The following L3MBTL4 variants were observed in gnomAD, a reference collection of about 807,000 sequenced individuals.
The protein encoded by L3MBTL4 is L3MBTL histone methyl-lysine binding protein 4, also known as lethal(3)malignant brain tumor-like protein 4.
A neutral mutation model predicts 84.5 loss-of-function variants in L3MBTL4; 70 were observed. The observed-to-expected ratio is 0.83, with a 90% CI of 0.68 to 1.01. The LOEUF is 1.01. L3MBTL4 is among the 50% of genes least tolerant of loss of function. The pLI, the probability that L3MBTL4 is intolerant of heterozygous loss-of-function variation, is 0.00. For missense variants in L3MBTL4, 715 were observed against 754.8 expected, an observed-to-expected ratio of 0.95 and a Z score of 0.62; for synonymous variants, 274 against 259.8, an observed-to-expected ratio of 1.05 and a Z score of -0.52.
chr18:6,329,995 G>A (rs2051941790), intron 1 of L3MBTL4, among the ~76,000 whole-genome samples: 3 of 152,222 alleles, frequency 2.0e-5, no homozygotes, highest in East Asian at 3.8e-4. Flanking sequence ...TGCAGATGTA[G>A]ACAGTTCACC....
intron 15 of L3MBTL4, among the ~76,000 whole-genome samples, chr18:6,086,164 A>G (rs961154716): frequency 2.0e-5 from 3 of 152,222 alleles, no homozygotes; most frequent in African/African-American, 4.8e-5. Context: ...CTTTACAATG[A>G]GTAAGAAATA....
chr18:6,243,181 T>G, intron 7 of L3MBTL4, 113 bp downstream of exon 7: 4 of 929,180 alleles, frequency 4.3e-6, no homozygotes, highest in Non-Finnish European at 6.1e-6. Flanking sequence ...CAATTTCATT[T>G]TGGAAATCAA....
At chr18:6,277,617 T>C (rs577853195) in intron 4 of L3MBTL4, among the ~76,000 whole-genome samples, 5 of 152,316 alleles carry the variant, frequency 3.3e-5, no homozygotes, top group Admixed American at 2.6e-4. Context: ...AGAGCTGTCA[T>C]GTTTGTGGTA....
At chr18:6,015,623 A>G (rs1056489608) in intron 16 of L3MBTL4, among the ~76,000 whole-genome samples, 3 of 152,216 alleles carry the variant, frequency 2.0e-5, no homozygotes, top group African/African-American at 7.2e-5. Context: ...GAATTGTAAA[A>G]GAAATAAACT....
intron 1 of L3MBTL4, among the ~76,000 whole-genome samples, chr18:6,346,528 G>A (rs2052914935): frequency 6.6e-6 from 1 of 151,892 alleles, no homozygotes; most frequent in Non-Finnish European, 1.5e-5. Flanking sequence ...ATTAAATTGG[G>A]CAAAGGTCTT....
At position 6,311,652 on chromosome 18, in the gene L3MBTL4, G is replaced by C. The variant is rs970425924; in HGVS notation, c.-27C>G. The C allele has an allele frequency of 1.3e-6, 2 of 1,597,128 alleles. No individual in the cohort carries two copies. The highest frequency in any genetic ancestry group is 2.7e-5 in the African/African-American group (2 of 74,516). ...GCCACCCCCGCACTCCTTGGCAGTG[G>C]TTTTCTGTAAAACAGGGTTACATAA... On this transcript the variant is annotated 5_prime_UTR_variant, in exon 3 of 19. Transcript: ENST00000317931.
At chr18:6,207,946 A>G (rs1052049667) in intron 12 of L3MBTL4, among the ~76,000 whole-genome samples, 3 of 148,918 alleles carry the variant, frequency 2.0e-5, no homozygotes, top group Non-Finnish European at 3.0e-5. Flanking sequence ...CTCCGCAAAG[A>G]AAAAAAAAAT....
At chr18:6,325,573 ATAAAG>A (rs1284893417) in intron 1 of L3MBTL4, among the ~76,000 whole-genome samples, 1 of 152,248 alleles carries the variant, frequency 6.6e-6, no homozygotes, top group Non-Finnish European at 1.5e-5. Flanking sequence ...AGTAGTATAT[ATAAAG>A]TAAACTGCCT....
intron 15 of L3MBTL4, among the ~76,000 whole-genome samples, chr18:6,091,616 G>A (rs894754461): frequency 3.3e-5 from 5 of 152,156 alleles, no homozygotes; most frequent in African/African-American, 4.8e-5. Context: ...AATAAAGCAC[G>A]TAACAATTAG....
At chr18:6,377,342 C>T (rs1376018777) in intron 1 of L3MBTL4, among the ~76,000 whole-genome samples, 1 of 152,052 alleles carries the variant, frequency 6.6e-6, no homozygotes. Flanking sequence ...TTGTATTATA[C>T]TTTAAGTTCT....
chr18:6,173,140 C>G (rs2044057160), intron 12 of L3MBTL4, among the ~76,000 whole-genome samples: 1 of 152,152 alleles, frequency 6.6e-6, no homozygotes, highest in Non-Finnish European at 1.5e-5. Flanking sequence ...AGTCTGAGAA[C>G]CAGAGATTAC....
chr18:6,032,336 T>A, intron 16 of L3MBTL4: 1 of 982,912 alleles, frequency 1.0e-6, no homozygotes, highest in Non-Finnish European at 1.2e-6. Flanking sequence ...AAGCTTATGA[T>A]GTGCTGTTTT....
chr18:6,346,574 C>A (rs1044388494), intron 1 of L3MBTL4, among the ~76,000 whole-genome samples: 3 of 151,898 alleles, frequency 2.0e-5, no homozygotes, highest in Non-Finnish European at 4.4e-5. Flanking sequence ...ATACAAATAT[C>A]CAACAAGTAT....
chr18:6,211,671 C>CA (rs1337520979), intron 12 of L3MBTL4, among the ~76,000 whole-genome samples: 2 of 145,792 alleles, frequency 1.4e-5, no homozygotes, highest in Non-Finnish European at 3.0e-5. Flanking sequence ...TTTTTTGAGA[C>CA]AGAGTCCAGC....
At chr18:6,076,624 G>A (rs1340275419) in intron 16 of L3MBTL4, among the ~76,000 whole-genome samples, 1 of 152,052 alleles carries the variant, frequency 6.6e-6, no homozygotes. Context: ...CAATAAGTGA[G>A]GGAGGAAAAG....
intron 14 of L3MBTL4, among the ~76,000 whole-genome samples, chr18:6,105,290 A>C (rs1437870073): frequency 6.7e-6 from 1 of 149,470 alleles, no homozygotes; most frequent in Non-Finnish European, 1.5e-5. Flanking sequence ...TCCAGGGTTC[A>C]AGCGATTCTT....
chr18:6,226,526 A>G (rs1290732695), intron 10 of L3MBTL4, among the ~76,000 whole-genome samples: 1 of 152,188 alleles, frequency 6.6e-6, no homozygotes, highest in Non-Finnish European at 1.5e-5. Context: ...CTTTTACTTC[A>G]TGTTTTCCTT....
chr18:6,070,560 G>A (rs1175410642), intron 16 of L3MBTL4, among the ~76,000 whole-genome samples: 3 of 125,312 alleles, frequency 2.4e-5, no homozygotes, highest in African/African-American at 6.6e-5. Flanking sequence ...GCTCATGTGT[G>A]TAATCCCACA....
At position 6,093,541 on chromosome 18, in the gene L3MBTL4, A is replaced by C; in HGVS notation, c.1200-13T>G. The C allele has an allele frequency of 6.2e-7, 1 of 1,608,450 alleles. No homozygotes were observed. The highest frequency in any genetic ancestry group is 8.5e-7 in the Non-Finnish European group (1 of 1,178,160). Reference sequence around the variant, plus strand: ...GCAGCCAAAAGCACTGGTTTGTATAAAAATGAGAGCACAGTCATCAGTATA... The same window carrying C: ...GCAGCCAAAAGCACTGGTTTGTATACAAATGAGAGCACAGTCATCAGTATA... On this transcript the variant is annotated splice_polypyrimidine_tract_variant and intron_variant, in intron 14 of 18. Coordinates refer to ENST00000317931, the MANE Select transcript of L3MBTL4 (RefSeq NM_001330559.2).
Sources: allele counts gnomAD v4.1 joint callset (sites outside exome capture counted in the v4.1 genomes callset), GRCh38; gene constraint gnomAD v4.1.1; transcripts MANE v1.5; gene names NCBI Gene and HGNC (gene_info 2026-07-23, HGNC 2026-07-21).